UTP20: variants seen among roughly 807,000 people sequenced by gnomAD.
UTP20 encodes UTP20 small subunit processome component.
UTP20 carries 164 observed loss-of-function variants against 329.5 expected under a neutral mutation model. That is an observed-to-expected ratio of 0.50 (90% CI 0.44 to 0.57). The LOEUF (loss-of-function observed/expected upper bound fraction) is 0.57. Ranked by LOEUF, UTP20 falls within the 20% of genes least tolerant of loss-of-function variation. The pLI, the probability that UTP20 is intolerant of heterozygous loss-of-function variation, is 0.00. For missense variants in UTP20, 3,055 were observed against 3,284.2 expected (o/e 0.93, Z 1.71); for synonymous variants, 1,151 against 1,159.3 (o/e 0.99, Z 0.14).
At chr12:101,347,591 G>A (rs925106838) in intron 38 of UTP20, among the ~76,000 whole-genome samples, 1 of 152,056 alleles carries the variant, frequency 6.6e-6, no homozygotes, top group African/African-American at 2.4e-5. Flanking sequence ...AGTAATGTCA[G>A]GATTTGTGAC....
intron 28 of UTP20, among the ~76,000 whole-genome samples, chr12:101,333,994 GC>G (rs1868850179): frequency 6.6e-6 from 1 of 152,160 alleles, no homozygotes; most frequent in Non-Finnish European, 1.5e-5. Context: ...ACCTCACATA[GC>G]GTTGCCTCTG....
chr12:101,291,913 G>A (rs4764641), intron 9 of UTP20, 25 bp downstream of exon 9: 249,185 of 1,607,810 alleles, frequency 0.15, 20,908 homozygotes, highest in Middle Eastern at 0.19. Flanking sequence ...TAATATGCTC[G>A]AGAGTCTGGT....
chr12:101,373,122 G>A (rs1870346771), intron 52 of UTP20, among the ~76,000 whole-genome samples, 159 bp downstream of exon 52: 1 of 152,110 alleles, frequency 6.6e-6, no homozygotes, highest in Non-Finnish European at 1.5e-5. Context: ...CATTGTGCTT[G>A]GCTTCATATA....
chr12:101,321,402 A>G (rs1868369000), intron 24 of UTP20, 102 bp from the exon 25 acceptor site: 1 of 1,504,424 alleles, frequency 6.6e-7, no homozygotes, highest in African/African-American at 1.4e-5. Context: ...TATGTACTAT[A>G]TACCTTATTT....
At position 101,347,471 on chromosome 12, in the gene UTP20, C is replaced by T. The variant is rs567426682; in HGVS notation, c.4884+883C>T. On this transcript the variant is annotated intron_variant, in intron 38 of 61. Transcript: ENST00000261637. Reference sequence around the variant, plus strand: ...CCAGGAGGCAGAGGCTGCAGTGAGCCGAGATTACGCTACTGCACTCCAGCC... The same window carrying T: ...CCAGGAGGCAGAGGCTGCAGTGAGCTGAGATTACGCTACTGCACTCCAGCC... 6.7e-4 allele frequency among the ~76,000 whole-genome samples: 102 copies of T among 151,796 alleles called. No individual in the cohort carries two copies. In the Middle Eastern group the frequency reaches 0.014, roughly 20 times the overall value.
chr12:101,302,682 T>C (rs1020579406), intron 15 of UTP20, 129 bp downstream of exon 15: 8 of 578,394 alleles, frequency 1.4e-5, no homozygotes, highest in Non-Finnish European at 2.0e-5. Context: ...CGTAGTGAAA[T>C]TTAATATTGA....
In UTP20 at chr12:101,373,697, T is replaced by A. The variant is rs768185494; in HGVS notation, c.7061T>A (p.Leu2354His). Reference sequence around the variant, plus strand: ...GCATCCATGACAATCAAGTCCCTACTTGGTAAAATCAGCCTCGAGAAAAAA... The same window carrying A: ...GCATCCATGACAATCAAGTCCCTACATGGTAAAATCAGCCTCGAGAAAAAA... ...KMASMTIKSL[L>H]GKISLEKKDW... Residue 2354 changes from leucine (L) to histidine (H), a missense_variant, in exon 54 of 62, where the codon CTT (leucine) becomes CAT (histidine). Around this residue, in one of 3 missense-constraint regions of UTP20, gnomAD observed 273 missense variants for 363.1 expected, o/e 0.75. Transcript: ENST00000261637. 1.9e-6 allele frequency: 3 copies of A among 1,612,498 alleles called. No homozygotes were observed. The highest frequency in any genetic ancestry group is 3.4e-5 in the Admixed American group (2 of 59,408).
At chr12:101,378,367 C>T (rs1477001557) in intron 56 of UTP20, among the ~76,000 whole-genome samples, 2 of 152,156 alleles carry the variant, frequency 1.3e-5, no homozygotes, top group Non-Finnish European at 2.9e-5. Flanking sequence ...CTTGGAGCCA[C>T]CAATTCTACT....
chr12:101,338,962 G>A lies in UTP20; in HGVS notation c.4013+5G>A. On this transcript the variant is annotated splice_donor_5th_base_variant and intron_variant, in intron 31 of 61. Transcript: ENST00000261637. ...AGAGCTTGGCATTCTTTCAAAGTAA[G>A]TGATATGTTGATACTTAAAAGATAA... The A allele has an allele frequency of 5.1e-6, 8 of 1,578,814 alleles. No individual in the cohort carries two copies. The highest frequency in any genetic ancestry group is 6.8e-6 in the Non-Finnish European group (8 of 1,170,066).
chr12:101,379,445 T>A lies in UTP20; in HGVS notation c.7471T>A (p.Phe2491Ile). ...LTAAQIFGLL[F>I]ASCQPEELIQ... ...AGCAGCCCAGATTTTTGGATTACTC[T>A]TTGCCTCTTGCCAGCCAGAGGAGCT... Residue 2491 changes from phenylalanine to isoleucine, a missense_variant, in exon 57 of 62, where the codon TTT becomes ATT. Phe to Ile is a conservative substitution (Grantham distance 21). Transcript: ENST00000261637. 1 of 1,614,100 alleles carries A rather than the reference T, an allele frequency of 6.2e-7. No individual in the cohort carries two copies. Among genetic ancestry groups the A allele is most frequent in the Non-Finnish European group, 8.5e-7 (1 of 1,179,974 alleles).
Position 101,369,840 on chromosome 12 carries a change from G to C in UTP20, c.6504G>C (p.Lys2168Asn). 1 of 1,614,084 alleles carries C rather than the reference G, an allele frequency of 6.2e-7. No homozygotes were observed. Among genetic ancestry groups the C allele is most frequent in the Non-Finnish European group, 8.5e-7 (1 of 1,180,004 alleles). The part of the protein sequence containing the change: ...HLFLLLKDYA[K>N]LGAARGQNFH... ...TCCTTCTGCTGAAGGACTATGCAAA[G>C]CTCGGGGCCGCCAGGGGCCAGAACT... Residue 2168 changes from lysine (K) to asparagine (N), a missense_variant, in exon 49 of 62, where the codon AAG becomes AAC. Around this residue, in one of 3 missense-constraint regions of UTP20, gnomAD observed 2,445 missense variants for 2,575.5 expected, o/e 0.95. Coordinates refer to ENST00000261637, the MANE Select transcript of UTP20 (RefSeq NM_014503.3).
chr12:101,305,884 C>G, intron 15 of UTP20, 31 bp from the exon 16 acceptor site: 1 of 1,557,882 alleles, frequency 6.4e-7, no homozygotes. Flanking sequence ...TTATATGGTA[C>G]AGTTTGGGTC....
intron 31 of UTP20, among the ~76,000 whole-genome samples, chr12:101,340,192 A>G (rs550502286): frequency 6.6e-6 from 1 of 152,316 alleles, no homozygotes; most frequent in Admixed American, 6.5e-5. Context: ...GCACTTAAAA[A>G]TGTTATTTCT....
Position 101,290,283 on chromosome 12 carries a change from TG to T in UTP20, c.735+13del. The T allele has an allele frequency of 6.3e-7, 1 of 1,578,562 alleles. No homozygotes were observed. Among genetic ancestry groups the T allele is most frequent in the Non-Finnish European group, 8.6e-7 (1 of 1,165,964 alleles). On this transcript the variant is annotated intron_variant, in intron 7 of 61. Transcript: ENST00000261637. ...ACTCCTGTACAGGCCAGGTACATAA[TG>T]GGGAGGGGTGCTTAGAGTCTATGTG...
At position 101,343,079 on chromosome 12, in the gene UTP20, T is replaced by A. The variant is rs1172144810; in HGVS notation, c.4435T>A (p.Phe1479Ile). 2 of 1,605,646 alleles carry A rather than the reference T, an allele frequency of 1.2e-6. No individual in the cohort carries two copies. Among genetic ancestry groups the A allele is most frequent in the Non-Finnish European group, 1.7e-6 (2 of 1,176,052 alleles). The part of the protein sequence containing the change: ...NYLIPVMHNC[F>I]YNLELGDMSL... ...CCTAATTCCAGTTATGCATAATTGTTTCTATAATCTAGAGGTAGGTTATTA... is the reference window on the plus strand; with the variant it reads ...CCTAATTCCAGTTATGCATAATTGTATCTATAATCTAGAGGTAGGTTATTA... Residue 1479 changes from phenylalanine (F) to isoleucine (I), a missense_variant, in exon 35 of 62, where the codon TTC becomes ATC. By Grantham distance (21) the Phe-to-Ile change is conservative (BLOSUM62 0). This residue lies in a region of UTP20 where 2,445 missense variants were observed against 2,575.5 expected (regional missense o/e 0.95). Coordinates refer to ENST00000261637, the MANE Select transcript of UTP20 (RefSeq NM_014503.3).
intron 22 of UTP20, among the ~76,000 whole-genome samples, chr12:101,318,356 T>G (rs1205400754): frequency 6.6e-5 from 10 of 152,210 alleles, no homozygotes; most frequent in Non-Finnish European, 1.2e-4. Flanking sequence ...GCCCATTTGT[T>G]GCGTATTTCC....
intron 56 of UTP20, 47 bp downstream of exon 56, chr12:101,375,803 G>A: frequency 8.4e-7 from 1 of 1,188,442 alleles, no homozygotes; most frequent in Non-Finnish European, 1.2e-6. Flanking sequence ...TGTTGTCATA[G>A]AATTACTGAA....
chr12:101,365,072 TTGTGTGTGTG>T (rs60890980), intron 45 of UTP20, among the ~76,000 whole-genome samples: 84 of 142,010 alleles, frequency 5.9e-4, no homozygotes, highest in East Asian at 1.7e-3. Flanking sequence ...ATTTTGTTGA[TTGTGTGTGTG>T]TGTGTGTGTG....
At chr12:101,353,394 CCTT>C (rs570268171) in intron 40 of UTP20, among the ~76,000 whole-genome samples, 129 of 152,212 alleles carry the variant, frequency 8.5e-4, no homozygotes, top group African/African-American at 2.9e-3. Flanking sequence ...AATTTTATCA[CCTT>C]CTTGTGTGAA....
Sources: allele counts gnomAD v4.1 joint callset (sites outside exome capture counted in the v4.1 genomes callset), GRCh38; gene constraint gnomAD v4.1.1; regional missense constraint gnomAD v4.1.1; transcripts MANE v1.5; gene names NCBI Gene and HGNC (gene_info 2026-07-23, HGNC 2026-07-21).